ARHGAP15: variants seen among roughly 807,000 people sequenced by gnomAD.
The protein encoded by ARHGAP15 is rho GTPase-activating protein 15.
Under a neutral mutation model 63.7 loss-of-function variants are expected in ARHGAP15, and 51 were observed. That is an observed-to-expected ratio of 0.80 (90% confidence interval 0.64 to 1.01). The LOEUF is 1.01. ARHGAP15 is among the 50% of genes least tolerant of loss of function. The pLI, the probability that ARHGAP15 is intolerant of heterozygous loss-of-function variation, is 0.00. For missense variants in ARHGAP15, 560 were observed against 564.6 expected (o/e 0.99, Z 0.08); for synonymous variants, 191 against 193.8 (o/e 0.99, Z 0.12).
At chr2:143,602,961 C>A (rs1160100298) in intron 11 of ARHGAP15, among the ~76,000 whole-genome samples, 1 of 152,226 alleles carries the variant, frequency 6.6e-6, no homozygotes, top group East Asian at 1.9e-4. Context: ...AATAGGCGTA[C>A]TCTAATCTTG....
At chr2:143,544,238 T>C (rs570054321) in intron 10 of ARHGAP15, among the ~76,000 whole-genome samples, 2 of 152,292 alleles carry the variant, frequency 1.3e-5, no homozygotes, top group South Asian at 4.1e-4. Context: ...CCCATGAAGA[T>C]TTTGAACCTC....
intron 5 of ARHGAP15, among the ~76,000 whole-genome samples, chr2:143,248,396 GAA>G (rs1301106309): frequency 6.6e-6 from 1 of 152,152 alleles, no homozygotes; most frequent in Non-Finnish European, 1.5e-5. Flanking sequence ...AGTCTAGTGA[GAA>G]AGCCATAGCT....
At chr2:143,541,278 CT>C (rs1371851259) in intron 10 of ARHGAP15, among the ~76,000 whole-genome samples, 4 of 152,158 alleles carry the variant, frequency 2.6e-5, no homozygotes, top group Non-Finnish European at 4.4e-5. Context: ...ATCCATTCGT[CT>C]AATTTTTTTT....
intron 6 of ARHGAP15, among the ~76,000 whole-genome samples, chr2:143,318,258 G>A (rs926848727): frequency 6.6e-6 from 1 of 151,696 alleles, no homozygotes; most frequent in African/African-American, 2.4e-5. Context: ...TGCCCACCTC[G>A]ATCTCCCAAA....
chr2:143,650,090 A>G (rs1356008334), intron 12 of ARHGAP15, among the ~76,000 whole-genome samples: 2 of 151,716 alleles, frequency 1.3e-5, no homozygotes, highest in South Asian at 2.1e-4. Context: ...TAAGTAGTCA[A>G]TTTTTTCCCT....
intron 13 of ARHGAP15, among the ~76,000 whole-genome samples, chr2:143,731,100 G>T (rs1006202668): frequency 6.6e-6 from 1 of 151,874 alleles, no homozygotes; most frequent in Non-Finnish European, 1.5e-5. Flanking sequence ...GAGGTGAAAC[G>T]CTAGAAAGGA....
rs530765790 is a variant in ARHGAP15, at chr2:143,278,278, C to T, written c.474+27678C>T. ...AGTTAAGCAGATTGAAGGATTCTTTCTTATACCTCTTGAAGATCAAAAAAT... is the reference window on the plus strand; with the variant it reads ...AGTTAAGCAGATTGAAGGATTCTTTTTTATACCTCTTGAAGATCAAAAAAT... On this transcript the variant is annotated intron_variant, in intron 6 of 13. Transcript: ENST00000295095. 3.3e-5 allele frequency among the ~76,000 whole-genome samples: 5 copies of T among 152,266 alleles called. No homozygotes were observed. The East Asian group carries it at 9.7e-4, about 29-fold the overall frequency.
chr2:143,760,354 C>T lies in ARHGAP15; in HGVS notation c.1245-7635C>T, dbSNP rs576260576. On this transcript the variant is annotated intron_variant, in intron 13 of 13. Transcript: ENST00000295095. ...TATTAATAGTAACAAACAGTAACTA[C>T]TGTAAATGTTTCTTTTTGGTATTAT... is the stretch of plus-strand genomic sequence containing the variant. Among the ~76,000 whole-genome samples the T allele has an allele frequency of 7.9e-5, 12 of 152,236 alleles. No individual in the cohort carries two copies. The South Asian group carries it at 2.3e-3, about 29-fold the overall frequency.
At chr2:143,174,021 G>A (rs1276721016) in intron 2 of ARHGAP15, among the ~76,000 whole-genome samples, 1 of 152,004 alleles carries the variant, frequency 6.6e-6, no homozygotes, top group Non-Finnish European at 1.5e-5. Flanking sequence ...CGATGTGATT[G>A]TGGCGACTGT....
intron 8 of ARHGAP15, among the ~76,000 whole-genome samples, chr2:143,481,929 C>T (rs765721695): frequency 1.8e-4 from 28 of 152,176 alleles, no homozygotes; most frequent in Non-Finnish European, 3.5e-4. Flanking sequence ...GTATTTAAAG[C>T]TAATGCCTTT....
chr2:143,146,075 A>G (rs1010124974), intron 1 of ARHGAP15, among the ~76,000 whole-genome samples: 9 of 151,796 alleles, frequency 5.9e-5, no homozygotes, highest in African/African-American at 9.7e-5. Flanking sequence ...GAGGGCAATA[A>G]AAGCACTAAT....
chr2:143,172,592 A>G lies in ARHGAP15; in HGVS notation c.165+16937A>G, dbSNP rs145710657. On this transcript the variant is annotated intron_variant, in intron 2 of 13. Transcript: ENST00000295095. ...AAGGACATTGTCAATATAGAACTGA[A>G]AAGAGTTGCAGAGGGGTTCGATGTA... Among the ~76,000 whole-genome samples the G allele has an allele frequency of 1.1e-3, 160 of 152,228 alleles. 1 individual carries two copies. Among genetic ancestry groups the G allele is most frequent in the African/African-American group, 3.8e-3 (157 of 41,576 alleles).
At chr2:143,435,454 G>T in intron 6 of ARHGAP15, 147 bp from the exon 7 acceptor site, 3 of 1,267,516 alleles carry the variant, frequency 2.4e-6, no homozygotes, top group Non-Finnish European at 3.1e-6. Context: ...AATGCTCCCA[G>T]TTCCCAGAAA....
intron 6 of ARHGAP15, among the ~76,000 whole-genome samples, chr2:143,373,280 C>T (rs1308752760): frequency 6.6e-6 from 1 of 152,046 alleles, no homozygotes; most frequent in Non-Finnish European, 1.5e-5. Flanking sequence ...GGACTAAAAG[C>T]CAGGTAATGT....
intron 1 of ARHGAP15, among the ~76,000 whole-genome samples, chr2:143,133,927 T>C (rs1689010512): frequency 1.3e-5 from 2 of 152,162 alleles, no homozygotes; most frequent in Admixed American, 6.5e-5. Context: ...TTTAGAAATA[T>C]AGATTAGAGA....
intron 9 of ARHGAP15, among the ~76,000 whole-genome samples, chr2:143,505,367 A>G (rs887089237): frequency 6.6e-6 from 1 of 152,176 alleles, no homozygotes; most frequent in East Asian, 1.9e-4. Flanking sequence ...TCACAACATG[A>G]TACCTATTCA....
At chr2:143,443,804 T>A (rs1690009082) in intron 8 of ARHGAP15, among the ~76,000 whole-genome samples, 1 of 152,188 alleles carries the variant, frequency 6.6e-6, no homozygotes, top group Non-Finnish European at 1.5e-5. Flanking sequence ...GTCCCAGGCT[T>A]CACTATGGCC....
chr2:143,482,966 T>TG (rs1353905914), intron 8 of ARHGAP15, among the ~76,000 whole-genome samples: 1 of 152,208 alleles, frequency 6.6e-6, no homozygotes, highest in African/African-American at 2.4e-5. Context: ...CATCAGGAAA[T>TG]GGAAGTTGAC....
intron 8 of ARHGAP15, among the ~76,000 whole-genome samples, chr2:143,455,192 A>G (rs1690586940): frequency 6.6e-6 from 1 of 152,104 alleles, no homozygotes; most frequent in Non-Finnish European, 1.5e-5. Context: ...TATGCTAAAC[A>G]AGGTGTGGCT....
Sources: gnomAD v4.1 joint callset for allele counts (sites outside exome capture counted in the v4.1 genomes callset) on GRCh38, gnomAD v4.1.1 for gene constraint, MANE v1.5 for transcripts, NCBI Gene and HGNC (gene_info 2026-07-23, HGNC 2026-07-21) for gene names.